Variants in SCFD2 observed in about 807,000 individuals in gnomAD.
SCFD2 encodes the protein sec1 family domain-containing protein 2.
A neutral mutation model predicts 58.9 loss-of-function variants in SCFD2; 54 were observed. The ratio of observed to expected loss-of-function variants is 0.92; its 90% CI spans 0.74 to 1.15. The LOEUF (loss-of-function observed/expected upper bound fraction) is 1.15. SCFD2 is among the 50% of genes most tolerant of loss of function. The pLI, the probability that SCFD2 is intolerant of heterozygous loss-of-function variation, is 0.00. For synonymous variants in SCFD2, 321 were observed against 335.9 expected (o/e 0.96, Z 0.49); for missense variants, 805 against 836.6 (o/e 0.96, Z 0.47).
chr4:53,087,922 G>A (rs1724359600), intron 5 of SCFD2, among the ~76,000 whole-genome samples: 1 of 151,996 alleles, frequency 6.6e-6, no homozygotes, highest in South Asian at 2.1e-4. Context: ...GTCTCCCAAA[G>A]TGCTGGGATT....
chr4:52,890,456 G>A (rs1456090204), intron 7 of SCFD2, among the ~76,000 whole-genome samples: 2 of 152,156 alleles, frequency 1.3e-5, no homozygotes, highest in Admixed American at 6.5e-5. Flanking sequence ...TTGTGGAGCC[G>A]TTCAAGTCAA....
intron 2 of SCFD2, among the ~76,000 whole-genome samples, chr4:53,338,264 G>T (rs1733742353): frequency 6.6e-6 from 1 of 152,104 alleles, no homozygotes; most frequent in Admixed American, 6.6e-5. Context: ...GCCCATCACT[G>T]GCATCCCAGA....
intron 4 of SCFD2, among the ~76,000 whole-genome samples, chr4:53,185,569 C>T (rs1433562827): frequency 6.6e-6 from 1 of 151,902 alleles, no homozygotes; most frequent in Non-Finnish European, 1.5e-5. Flanking sequence ...ACCTGCAAGT[C>T]CCCAAAACAG....
chr4:53,166,948 G>T (rs147343765), intron 4 of SCFD2, among the ~76,000 whole-genome samples: 1,622 of 152,202 alleles, frequency 0.011, 19 homozygotes, highest in Middle Eastern at 0.041. Flanking sequence ...GAATAGGAGG[G>T]ATAGAGGACC....
chr4:53,263,307 G>A (rs1730882277), intron 4 of SCFD2, among the ~76,000 whole-genome samples: 1 of 152,016 alleles, frequency 6.6e-6, no homozygotes, highest in Admixed American at 6.6e-5. Context: ...TGATCTTTTG[G>A]GGCTGTTAAA....
At chr4:53,157,163 T>C (rs1467811294) in intron 4 of SCFD2, among the ~76,000 whole-genome samples, 8 of 152,224 alleles carry the variant, frequency 5.3e-5, no homozygotes, top group Non-Finnish European at 1.2e-4. Context: ...TTGAATTACA[T>C]AATAAAATGT....
At chr4:52,891,886 C>G (rs1718886817) in intron 7 of SCFD2, among the ~76,000 whole-genome samples, 1 of 152,232 alleles carries the variant, frequency 6.6e-6, no homozygotes, top group South Asian at 2.1e-4. Flanking sequence ...TCTCTCCCTC[C>G]TTGGAGGGCT....
intron 5 of SCFD2, among the ~76,000 whole-genome samples, chr4:53,041,606 A>G (rs1015659276): frequency 6.6e-6 from 1 of 152,112 alleles, no homozygotes; most frequent in African/African-American, 2.4e-5. Flanking sequence ...CTGGGTAAGG[A>G]TGAGAGAAAG....
At chr4:53,353,110 G>A (rs1383017055) in intron 1 of SCFD2, among the ~76,000 whole-genome samples, 1 of 152,222 alleles carries the variant, frequency 6.6e-6, no homozygotes, top group South Asian at 2.1e-4. Context: ...AGTTCTTAAA[G>A]ATGGTGTGTC....
chr4:53,288,268 C>A (rs545414755), intron 3 of SCFD2, among the ~76,000 whole-genome samples: 1 of 152,058 alleles, frequency 6.6e-6, no homozygotes, highest in South Asian at 2.1e-4. Flanking sequence ...TAGCATTAAC[C>A]ATATAAATAT....
At chr4:53,215,814 C>T (rs747377104) in intron 4 of SCFD2, among the ~76,000 whole-genome samples, 10 of 152,040 alleles carry the variant, frequency 6.6e-5, no homozygotes, top group East Asian at 1.9e-4. Context: ...TTTTGAGATA[C>T]GTCCCATCAA....
At chr4:52,905,832 AC>A (rs1465083424) in intron 7 of SCFD2, among the ~76,000 whole-genome samples, 2 of 152,112 alleles carry the variant, frequency 1.3e-5, no homozygotes, top group Non-Finnish European at 2.9e-5. Flanking sequence ...AACAACAACA[AC>A]AAGTGACACT....
In SCFD2 at chr4:53,080,081, G is replaced by A. The variant is rs1724095767; in HGVS notation, c.1561+65252C>T. ...CCAGTGAAGCTTTGCCTTTGTAAAA[G>A]GATAGCAACATACAGAACCAAGTGT... On this transcript the variant is annotated intron_variant, in intron 5 of 8. Transcript: ENST00000401642. 2.0e-5 allele frequency among the ~76,000 whole-genome samples: 3 copies of A among 152,118 alleles called. No individual in the cohort carries two copies. In the South Asian group the frequency reaches 6.2e-4, roughly 32 times the overall value.
chr4:53,079,915 A>G (rs1724091586), intron 5 of SCFD2, among the ~76,000 whole-genome samples: 1 of 152,240 alleles, frequency 6.6e-6, no homozygotes. Flanking sequence ...GAAAACATAT[A>G]TAAGATTTAT....
intron 1 of SCFD2, 116 bp downstream of exon 1, chr4:53,364,988 A>G: frequency 7.9e-7 from 1 of 1,266,866 alleles, no homozygotes. Context: ...CATCTAGTTC[A>G]TCTTTGTATC....
Position 53,365,176 on chromosome 4 carries a change from C to T in SCFD2, c.766G>A (p.Ala256Thr), listed in dbSNP as rs543070692. The change falls in exon 1 of 9, where the codon GCA (alanine) becomes ACA (threonine). Residue 256 changes from alanine to threonine, a missense_variant. Physicochemically the swap from Ala to Thr is moderately conservative, Grantham distance 58. This residue lies in a region of SCFD2 where 633 missense variants were observed against 646.8 expected (regional missense o/e 0.98). Transcript: ENST00000401642. The surrounding 1 kb of genome is among the most constrained non-coding windows in gnomAD (Gnocchi z 4.3). ...GCAGCAGTCTTCTTCCTGTTCTTTG[C>T]AGGGGCATAATTGGCCAGATCCGCA... ...IAADLANYAP[A>T]KNRKKTAAGR... is the part of the protein sequence containing the mutation. The T allele has an allele frequency of 2.4e-5, 38 of 1,614,226 alleles. No homozygotes were observed. The South Asian group carries it at 3.6e-4, about 15-fold the overall frequency.
intron 5 of SCFD2, among the ~76,000 whole-genome samples, chr4:53,032,589 G>A (rs1251613841): frequency 2.6e-5 from 4 of 152,100 alleles, no homozygotes; most frequent in East Asian, 3.8e-4. Flanking sequence ...TAAAGGGATG[G>A]AGGAATATTT....
At chr4:53,272,207 G>C (rs1336639556) in intron 4 of SCFD2, among the ~76,000 whole-genome samples, 1 of 152,062 alleles carries the variant, frequency 6.6e-6, no homozygotes, top group Non-Finnish European at 1.5e-5. Context: ...GGAAACAACA[G>C]GTGCTGGAAA....
intron 4 of SCFD2, among the ~76,000 whole-genome samples, chr4:53,268,482 C>A (rs1042548587): frequency 2.0e-5 from 3 of 151,656 alleles, no homozygotes; most frequent in African/African-American, 7.2e-5. Context: ...GGTTGAGTGA[C>A]AACAACATCC....
Sources: gnomAD v4.1 joint callset for allele counts (sites outside exome capture counted in the v4.1 genomes callset) on GRCh38, gnomAD v4.1.1 for gene constraint, gnomAD v4.1.1 regional missense constraint, Gnocchi (gnomAD v3.1) non-coding constraint, MANE v1.5 for transcripts, NCBI Gene and HGNC (gene_info 2026-07-23, HGNC 2026-07-21) for gene names.